Variants in CCDC57 observed in about 807,000 individuals in gnomAD.
CCDC57 encodes coiled-coil domain containing 57, also known as coiled-coil domain-containing protein 57.
Under a neutral mutation model 118.9 loss-of-function variants are expected in CCDC57, and 118 were observed. That is an observed-to-expected ratio of 0.99 (90% CI 0.86 to 1.16). CCDC57 has a LOEUF of 1.16. Ranked by LOEUF, CCDC57 falls within the 50% of genes most tolerant of loss-of-function variation. The pLI, the probability that CCDC57 is intolerant of heterozygous loss-of-function variation, is 0.00. For synonymous variants in CCDC57, 527 were observed against 532.9 expected, an observed-to-expected ratio of 0.99 and a Z score of 0.15; for missense variants, 1,300 against 1,320.7, an observed-to-expected ratio of 0.98 and a Z score of 0.24.
intron 17 of CCDC57, among the ~76,000 whole-genome samples, chr17:82,129,423 G>A (rs2037978651): frequency 6.6e-6 from 1 of 152,216 alleles, no homozygotes; most frequent in South Asian, 2.1e-4. Context: ...ACAATAGATG[G>A]CCTGCAAGGA....
intron 19 of CCDC57, 96 bp downstream of exon 18, chr17:82,127,596 G>A: frequency 6.8e-7 from 1 of 1,479,322 alleles, no homozygotes; most frequent in Non-Finnish European, 8.9e-7. Flanking sequence ...GGGTGCAGGA[G>A]GCACGCAGGG....
At position 82,118,453 on chromosome 17, in the gene CCDC57, A is replaced by AGCGAGGT. The variant is rs1180965847; in HGVS notation, c.2899+9232_2899+9238dup. ...TGGGGTTTGGAACATCCTTTGCCCC[A>AGCGAGGT]GCGAGGTGCGAGGTGCTCCGGAACT... On this transcript the variant is annotated intron_variant, in intron 19 of 19. Transcript: ENST00000665763. This position sits in a 1 kb window ranked among gnomAD's most constrained non-coding sequence, Gnocchi z 4.7. Among the ~76,000 whole-genome samples the AGCGAGGT allele has an allele frequency of 6.6e-6, 1 of 152,224 alleles. No individual in the cohort carries two copies. The highest frequency in any genetic ancestry group is 1.5e-5 in the Non-Finnish European group (1 of 68,036).
At chr17:82,203,106 G>A (rs1410161013) in intron 2 of CCDC57, among the ~76,000 whole-genome samples, 2 of 152,200 alleles carry the variant, frequency 1.3e-5, no homozygotes, top group African/African-American at 4.8e-5. Context: ...CGGACCCCTC[G>A]TGGCTTGGTG....
At chr17:82,168,665 A>G (rs1174511907) in intron 13 of CCDC57, among the ~76,000 whole-genome samples, 1 of 152,162 alleles carries the variant, frequency 6.6e-6, no homozygotes, top group Non-Finnish European at 1.5e-5. Context: ...AAAAAGTTAT[A>G]CCACGCGAAT....
At chr17:82,116,657 G>A (rs2035961165) in intron 19 of CCDC57, among the ~76,000 whole-genome samples, 1 of 152,198 alleles carries the variant, frequency 6.6e-6, no homozygotes, top group South Asian at 2.1e-4. Flanking sequence ...GCCATGTAGC[G>A]TTGGGCCTCA....
Position 82,199,134 on chromosome 17 carries a change from G to T in CCDC57, c.408-712C>A, listed in dbSNP as rs147328624. ...AAGCTACAGCAGTCATTATAAAAGC[G>T]CTTCAAGTAATCTAGTAAAGCAAAT... On this transcript the variant is annotated intron_variant, in intron 3 of 19. Transcript: ENST00000665763. 9.3e-3 allele frequency among the ~76,000 whole-genome samples: 1,418 copies of T among 152,056 alleles called. 14 individuals are homozygous for T. Among genetic ancestry groups the T allele is most frequent in the African/African-American group, 0.033 (1,361 of 41,480 alleles).
At chr17:82,177,630 A>G (rs993725766) in intron 11 of CCDC57, among the ~76,000 whole-genome samples, 3 of 152,170 alleles carry the variant, frequency 2.0e-5, no homozygotes, top group African/African-American at 7.2e-5. Flanking sequence ...TCTGAGTCCT[A>G]AGTACACTCG....
In CCDC57 at chr17:82,151,232, GGC is replaced by G. The variant is rs2042002214; in HGVS notation, c.2455+326_2455+327del. ...AGAACCTGACCCACACCCAGAACCTGGCACACACCCAGAACCTGGCACACACC... is the reference window on the plus strand; with the variant it reads ...AGAACCTGACCCACACCCAGAACCTGACACACCCAGAACCTGGCACACACC... On this transcript the variant is annotated intron_variant, in intron 16 of 19. Coordinates refer to ENST00000665763, the Ensembl canonical transcript of CCDC57. Among the ~76,000 whole-genome samples the G allele has an allele frequency of 3.6e-5, 5 of 137,364 alleles. 1 individual carries two copies. Among genetic ancestry groups the G allele is most frequent in the Non-Finnish European group, 7.8e-5 (5 of 63,736 alleles). The allele number at this position is 137,364 out of a possible 152,430, so 90.1% of individuals were successfully genotyped here. A position where few individuals can be genotyped will look rare whatever the true frequency, so the allele number is the denominator to read the frequency against.
At chr17:82,103,139 G>A (rs1482152768) in intron 19 of CCDC57, among the ~76,000 whole-genome samples, 4 of 152,196 alleles carry the variant, frequency 2.6e-5, no homozygotes, top group South Asian at 2.1e-4. Flanking sequence ...CGGCAATGAC[G>A]CACTCTCAGC....
At chr17:82,193,931 G>A (rs1208379672) in intron 6 of CCDC57, 51 bp downstream of exon 5, 1 of 1,582,722 alleles carries the variant, frequency 6.3e-7, no homozygotes, top group Non-Finnish European at 8.6e-7. Context: ...TCCAGTCCTG[G>A]CCTGCGAGGC....
At chr17:82,187,236 C>CAAAAAAAAAAA (rs61100137) in intron 8 of CCDC57, among the ~76,000 whole-genome samples, 1 of 63,034 alleles carries the variant, frequency 1.6e-5, no homozygotes, top group Non-Finnish European at 3.0e-5. Context: ...GACTCCATCT[C>CAAAAAAAAAAA]AAAAAAAAAA....
intron 16 of CCDC57, among the ~76,000 whole-genome samples, chr17:82,137,085 T>C (rs2039312380): frequency 6.8e-6 from 1 of 146,570 alleles, no homozygotes; most frequent in South Asian, 2.1e-4. Context: ...TGGTGTGATG[T>C]TGGCTCACTG....
chr17:82,161,905 C>T (rs956874581), intron 14 of CCDC57, among the ~76,000 whole-genome samples: 19 of 152,056 alleles, frequency 1.2e-4, no homozygotes, highest in South Asian at 4.2e-4. Flanking sequence ...AATGTTTATA[C>T]GACATTGTGA....
At chr17:82,152,152 CAG>C in intron 15 of CCDC57, 1 of 250,510 alleles carries the variant, frequency 4.0e-6, no homozygotes, top group East Asian at 1.0e-4. Flanking sequence ...CCAGGGAGAG[CAG>C]AGAGAAGGCT....
In CCDC57 at chr17:82,171,926, C is replaced by G. The variant is rs2044794884; in HGVS notation, c.1730-73G>C. The G allele has an allele frequency of 7.2e-6, 11 of 1,531,328 alleles. No individual in the cohort carries two copies. The South Asian group carries it at 1.2e-4, about 16-fold the overall frequency. The allele number at this position is 1,531,328 out of a possible 1,614,324, so 94.9% of individuals were successfully genotyped here. A position where few individuals can be genotyped will look rare whatever the true frequency, so the allele number is the denominator to read the frequency against. On this transcript the variant is annotated intron_variant, in intron 12 of 19. Transcript: ENST00000665763. ...CGCACCTCCCTCCTGTGAGCACCAGCTCAGGGAGCCGATGCCAGCTCATGC... is the reference window on the plus strand; with the variant it reads ...CGCACCTCCCTCCTGTGAGCACCAGGTCAGGGAGCCGATGCCAGCTCATGC...
intron 7 of CCDC57, 84 bp from the exon 7 acceptor site, chr17:82,188,503 T>C (rs2047258121): frequency 7.3e-7 from 1 of 1,363,706 alleles, no homozygotes; most frequent in Non-Finnish European, 1.0e-6. Context: ...TTCATTGCCC[T>C]GTCTCGTGCA....
Position 82,128,397 on chromosome 17 carries a change from G to C in CCDC57, c.2682+96C>G. 3.8e-6 allele frequency: 3 copies of C among 784,146 alleles called. No homozygotes were observed. The African/African-American group carries it at 5.2e-5, about 14-fold the overall frequency. 48.6% of individuals were successfully genotyped at this position (784,146 alleles called of 1,614,324 possible). The stretch of plus-strand genomic sequence containing the variant: ...CGGCACAAAGGCAGGCATGCAGAGC[G>C]AAGGCCCCTCCGAGAGGCCCAGAGC... On this transcript the variant is annotated intron_variant, in intron 18 of 19. Coordinates refer to ENST00000665763, the Ensembl canonical transcript of CCDC57.
At chr17:82,206,961 A>G (rs2049733327) in intron 2 of CCDC57, among the ~76,000 whole-genome samples, 3 of 152,234 alleles carry the variant, frequency 2.0e-5, no homozygotes, top group Admixed American at 6.5e-5. Context: ...AAACAAAGAC[A>G]GTAACAGCCC....
Position 82,101,907 on chromosome 17 carries a change from CAG to C in CCDC57, c.2900-43_2900-42del, listed in dbSNP as rs780490070. On this transcript the variant is annotated intron_variant, in intron 19 of 19. Coordinates refer to ENST00000665763, the Ensembl canonical transcript of CCDC57. ...GAAAAAACAGCATGCATCAGGATGG[CAG>C]GGGGAGCAGGAGGCTGTGCTCACAG... 1.9e-5 allele frequency: 29 copies of C among 1,506,034 alleles called. No individual in the cohort carries two copies. The South Asian group carries it at 3.6e-4, about 19-fold the overall frequency. 93.3% of individuals were successfully genotyped at this position (1,506,034 alleles called of 1,614,324 possible).
Sources: allele counts gnomAD v4.1 joint callset (sites outside exome capture counted in the v4.1 genomes callset), GRCh38; gene constraint gnomAD v4.1.1; non-coding constraint Gnocchi (gnomAD v3.1); transcripts MANE v1.5; gene names NCBI Gene and HGNC (gene_info 2026-07-23, HGNC 2026-07-21).